Variants in OPRM1 observed in about 807,000 individuals in gnomAD.
The protein encoded by OPRM1 is opioid receptor mu 1, also known as mu-type opioid receptor.
Under a neutral mutation model 31.8 loss-of-function variants are expected in OPRM1, and 27 were observed. That is an observed-to-expected ratio of 0.85 (90% confidence interval 0.63 to 1.17). The LOEUF is 1.17. Ranked by LOEUF, OPRM1 falls within the 50% of genes most tolerant of loss-of-function variation. The probability of loss-of-function intolerance (pLI) is 0.00; values close to 1 mark genes in which losing one functional copy is unlikely to be tolerated. For synonymous variants in OPRM1, 196 were observed against 189.9 expected (o/e 1.03, Z -0.26); for missense variants, 536 against 511.1 (o/e 1.05, Z -0.47).
intron 1 of OPRM1, chr6:154,073,430 C>T (rs1787214692): frequency 6.6e-6 from 1 of 152,202 alleles, no homozygotes; most frequent in South Asian, 2.1e-4. Flanking sequence ...TGTATTATGT[C>T]TACTGCAAGC....
chr6:154,115,412 T>G (rs1215195688), intron 3 of OPRM1, among the ~76,000 whole-genome samples: 3 of 152,102 alleles, frequency 2.0e-5, no homozygotes, highest in East Asian at 3.9e-4. Flanking sequence ...TGGTGGTGCA[T>G]GTCTGTGGTC....
chr6:154,160,849 G>A (rs924227092), intron 3 of OPRM1, among the ~76,000 whole-genome samples: 1 of 152,088 alleles, frequency 6.6e-6, no homozygotes, highest in Non-Finnish European at 1.5e-5. Context: ...AATATATCAC[G>A]TTTGATCTGC....
At chr6:154,056,821 C>A (rs936988986) in intron 1 of OPRM1, among the ~76,000 whole-genome samples, 1 of 152,164 alleles carries the variant, frequency 6.6e-6, no homozygotes, top group East Asian at 1.9e-4. Context: ...ATTGTGCCTG[C>A]CAAGAAGAAC....
chr6:154,205,926 C>T (rs1777456789), intron 3 of OPRM1, among the ~76,000 whole-genome samples: 1 of 152,012 alleles, frequency 6.6e-6, no homozygotes. Flanking sequence ...CACCCAGATC[C>T]CCTTTACCTG....
intron 1 of OPRM1, among the ~76,000 whole-genome samples, chr6:154,016,516 A>G (rs1245576255): frequency 6.6e-6 from 1 of 152,148 alleles, no homozygotes; most frequent in East Asian, 1.9e-4. Context: ...TGAGGGAAGA[A>G]GGGGAAAAGG....
At chr6:154,111,699 A>G (rs1796375439) in intron 3 of OPRM1, among the ~76,000 whole-genome samples, 1 of 152,168 alleles carries the variant, frequency 6.6e-6, no homozygotes, top group African/African-American at 2.4e-5. Flanking sequence ...AACAGGACCA[A>G]AAATAGCCCA....
rs959503977 is a variant in OPRM1 at position 154,130,337 on chromosome 6, T to A, written c.*11616T>A. On this transcript the variant is annotated 3_prime_UTR_variant, in exon 4 of 4. Transcript: ENST00000330432. Reference sequence around the variant, plus strand: ...GTGCCCGCCACAACACCTGGCTAATTTTTTGTATTTTTAGTAGAGATGGGG... The same window carrying A: ...GTGCCCGCCACAACACCTGGCTAATATTTTGTATTTTTAGTAGAGATGGGG... Among the ~76,000 whole-genome samples, 1 of 151,846 alleles carries A rather than the reference T, an allele frequency of 6.6e-6. No individual in the cohort carries two copies. The highest frequency in any genetic ancestry group is 1.5e-5 in the Non-Finnish European group (1 of 67,972).
At chr6:154,203,241 A>G (rs1777216717) in intron 3 of OPRM1, among the ~76,000 whole-genome samples, 3 of 152,128 alleles carry the variant, frequency 2.0e-5, no homozygotes, top group Non-Finnish European at 4.4e-5. Context: ...ACTGGTAAAT[A>G]TGAGCCCAAC....
chr6:154,193,880 A>C (rs1776365435), intron 3 of OPRM1, among the ~76,000 whole-genome samples: 1 of 152,204 alleles, frequency 6.6e-6, no homozygotes, highest in African/African-American at 2.4e-5. Context: ...TACAGACAAA[A>C]AGTGCTCAAA....
chr6:154,138,729 A>T (rs1798124692), intron 3 of OPRM1, among the ~76,000 whole-genome samples: 1 of 152,202 alleles, frequency 6.6e-6, no homozygotes, highest in Non-Finnish European at 1.5e-5. Flanking sequence ...ATGATAACAG[A>T]CCTTTCCCAA....
At position 154,122,898 on chromosome 6, in the gene OPRM1, G is replaced by A. The variant is rs1343952390; in HGVS notation, c.*4177G>A. Among the ~76,000 whole-genome samples the A allele has an allele frequency of 6.6e-6, 1 of 152,180 alleles. No homozygotes were observed. The highest frequency in any genetic ancestry group is 2.1e-4 in the South Asian group (1 of 4,836). On this transcript the variant is annotated 3_prime_UTR_variant, in exon 4 of 4. Transcript: ENST00000330432. ...ACCTCATGCAAGAAAGAATTCAGGA[G>A]TAAAGTGAAAGTGAAATGGGTCAGG...
intron 1 of OPRM1, among the ~76,000 whole-genome samples, chr6:154,020,266 T>A (rs1009705182): frequency 6.6e-6 from 1 of 152,144 alleles, no homozygotes; most frequent in African/African-American, 2.4e-5. Context: ...TTTAGTTTTT[T>A]AAGAAATTGC....
intron 3 of OPRM1, among the ~76,000 whole-genome samples, chr6:154,099,573 A>G (rs143088282): frequency 4.9e-4 from 74 of 151,232 alleles, no homozygotes; most frequent in Non-Finnish European, 8.2e-4. Context: ...GAAGGAAACC[A>G]TATCGTCTAT....
chr6:154,094,090 G>T (rs1792915845), intron 3 of OPRM1: 2 of 504,048 alleles, frequency 4.0e-6, no homozygotes, highest in Non-Finnish European at 6.9e-6. Context: ...CTACTTGTTT[G>T]AAGTTTATAT....
At chr6:154,010,963 C>T (rs1410198358) in exon 1 of OPRM1, 2 of 1,295,462 alleles carry the variant, frequency 1.5e-6, no homozygotes, top group Non-Finnish European at 2.0e-6. Flanking sequence ...GATATCCTCT[C>T]ACACTGTGGC....
chr6:154,214,344 G>A, intron 3 of OPRM1: 1 of 1,054,124 alleles, frequency 9.5e-7, no homozygotes, highest in Non-Finnish European at 1.5e-6. Flanking sequence ...CCTTCCCCCA[G>A]AGTTTGTTAT....
At chr6:154,102,795 T>G (rs1054381515) in intron 3 of OPRM1, among the ~76,000 whole-genome samples, 5 of 152,100 alleles carry the variant, frequency 3.3e-5, no homozygotes, top group African/African-American at 1.2e-4. Context: ...TCCAATTAGT[T>G]GTGATGTTTT....
intron 1 of OPRM1, among the ~76,000 whole-genome samples, chr6:154,056,368 C>T (rs1461973004): frequency 1.3e-5 from 2 of 151,974 alleles, no homozygotes; most frequent in African/African-American, 2.4e-5. Flanking sequence ...ATAATCCGCC[C>T]GCCTCAGCCT....
chr6:154,068,257 T>A (rs533943219), intron 1 of OPRM1, among the ~76,000 whole-genome samples: 1 of 152,294 alleles, frequency 6.6e-6, no homozygotes, highest in African/African-American at 2.4e-5. Context: ...CATTTTTCAA[T>A]AGTACCATAT....
Sources: allele counts gnomAD v4.1 joint callset (sites outside exome capture counted in the v4.1 genomes callset), GRCh38; gene constraint gnomAD v4.1.1; transcripts MANE v1.5; gene names NCBI Gene and HGNC (gene_info 2026-07-23, HGNC 2026-07-21).